SPEF2: variants seen among roughly 807,000 people sequenced by gnomAD.
SPEF2 encodes sperm flagellar and cilia associated 2, also known as sperm flagella and cilia-associated protein 2.
Under a neutral mutation model 224.6 loss-of-function variants are expected in SPEF2, and 187 were observed. The ratio of observed to expected loss-of-function variants is 0.83; its 90% CI spans 0.74 to 0.94. SPEF2 has a LOEUF of 0.94. Among genes scored for constraint, SPEF2 ranks in the 40% least tolerant of loss-of-function variants. SPEF2 has a pLI of 0.00. For missense variants in SPEF2, 2,170 were observed against 2,135.6 expected, an observed-to-expected ratio of 1.02 and a Z score of -0.32; for synonymous variants, 715 against 707.3, an observed-to-expected ratio of 1.01 and a Z score of -0.17.
At chr5:35,801,396 C>G (rs189002335) in intron 34 of SPEF2, among the ~76,000 whole-genome samples, 26 of 152,134 alleles carry the variant, frequency 1.7e-4, no homozygotes, top group Non-Finnish European at 3.5e-4. Flanking sequence ...GCCTGTAGTC[C>G]CAGCTACTCA....
chr5:35,746,687 A>G (rs1748583060), intron 23 of SPEF2, among the ~76,000 whole-genome samples: 1 of 152,148 alleles, frequency 6.6e-6, no homozygotes, highest in South Asian at 2.1e-4. Flanking sequence ...AAATGACCAA[A>G]CCGAACAATA....
At chr5:35,627,394 G>C (rs1744418087) in intron 1 of SPEF2, among the ~76,000 whole-genome samples, 1 of 151,982 alleles carries the variant, frequency 6.6e-6, no homozygotes, top group Non-Finnish European at 1.5e-5. Flanking sequence ...GAAGTCAAAA[G>C]ATCGAGACCA....
chr5:35,788,597 A>G (rs974658965), intron 30 of SPEF2: 16 of 702,862 alleles, frequency 2.3e-5, no homozygotes, highest in Middle Eastern at 2.3e-4. Flanking sequence ...AAAAAATGCC[A>G]TTGAGAAAAC....
chr5:35,804,718 A>T (rs936506778), intron 34 of SPEF2, among the ~76,000 whole-genome samples: 4 of 101,530 alleles, frequency 3.9e-5, no homozygotes, highest in African/African-American at 2.2e-4. Context: ...TTAAATTTTA[A>T]AAAAAAATCA....
In SPEF2 at chr5:35,727,815, G is replaced by T. The variant is rs1231542176; in HGVS notation, c.3055G>T (p.Val1019Phe). ...SEEWVYVNEP[V>F]PEEMPLFLVP... is the part of the protein sequence containing the mutation. ...AGAATGGGTCTATGTGAATGAACCA[G>T]TTCCTGAGGTATGGCCATTTAGAAT... is the stretch of plus-strand genomic sequence containing the variant. Residue 1019 changes from valine to phenylalanine, a missense_variant, in exon 21 of 37, where the codon GTT (valine) becomes TTT (phenylalanine). Val to Phe is a conservative substitution (Grantham distance 50). Coordinates refer to ENST00000356031, the MANE Select transcript of SPEF2 (RefSeq NM_024867.4). 2.5e-6 allele frequency: 4 copies of T among 1,610,532 alleles called. No homozygotes were observed. In the African/African-American group the frequency reaches 4.0e-5, roughly 16 times the overall value.
intron 8 of SPEF2, among the ~76,000 whole-genome samples, chr5:35,661,235 G>GT (rs1206283860): frequency 2.7e-4 from 28 of 105,424 alleles, no homozygotes; most frequent in South Asian, 8.7e-4. Context: ...AAGAAAGGAG[G>GT]TTTTTTTTTT....
chr5:35,774,749 A>C (rs1370856942), intron 28 of SPEF2, among the ~76,000 whole-genome samples: 1 of 152,196 alleles, frequency 6.6e-6, no homozygotes, highest in Non-Finnish European at 1.5e-5. Context: ...CTACTCAGTG[A>C]CTATTAACTA....
chr5:35,752,227 G>A (rs770060930), intron 23 of SPEF2, among the ~76,000 whole-genome samples: 1 of 152,092 alleles, frequency 6.6e-6, no homozygotes, highest in Non-Finnish European at 1.5e-5. Flanking sequence ...CGGCCCAAGG[G>A]TTGGGGACCC....
chr5:35,733,878 C>A (rs1044636812), intron 21 of SPEF2, among the ~76,000 whole-genome samples: 1 of 151,974 alleles, frequency 6.6e-6, no homozygotes, highest in African/African-American at 2.4e-5. Flanking sequence ...AGCTGTTTAA[C>A]CTCTGTTGCT....
rs1339165495 is a variant in SPEF2 at position 35,751,074 on chromosome 5, T to C, written c.3331-2550T>C. Among the ~76,000 whole-genome samples the C allele has an allele frequency of 3.9e-4, 21 of 54,130 alleles. 4 individuals are homozygous for C. Among genetic ancestry groups the C allele is most frequent in the African/African-American group, 1.2e-3 (20 of 16,236 alleles). The allele number at this position is 54,130 out of a possible 152,430, so 35.5% of individuals were successfully genotyped here. ...ATATATACGTATATATATGTATATA[T>C]ATATACACACACACACACACACATA... On this transcript the variant is annotated intron_variant, in intron 23 of 36. Transcript: ENST00000356031.
At chr5:35,626,478 G>A (rs865912286) in intron 1 of SPEF2, among the ~76,000 whole-genome samples, 5 of 152,074 alleles carry the variant, frequency 3.3e-5, no homozygotes, top group Non-Finnish European at 7.4e-5. Context: ...TTATGTGATT[G>A]GAAGCTTTCA....
chr5:35,622,718 C>G (rs1244371615), intron 1 of SPEF2, among the ~76,000 whole-genome samples: 7 of 152,098 alleles, frequency 4.6e-5, no homozygotes, highest in African/African-American at 7.2e-5. Context: ...TCCTGGCTAG[C>G]CTCGCAGCGT....
intron 28 of SPEF2, among the ~76,000 whole-genome samples, chr5:35,775,452 C>T (rs1753479436): frequency 6.6e-6 from 1 of 152,020 alleles, no homozygotes; most frequent in Admixed American, 6.6e-5. Context: ...GGCATATCAG[C>T]TTGTGAGTAG....
At chr5:35,731,581 CAG>C (rs940381435) in intron 21 of SPEF2, among the ~76,000 whole-genome samples, 1 of 152,086 alleles carries the variant, frequency 6.6e-6, no homozygotes, top group African/African-American at 2.4e-5. Context: ...GGAAATGTGA[CAG>C]AGAGGAAGTC....
At chr5:35,651,308 G>C (rs575734161) in intron 6 of SPEF2, among the ~76,000 whole-genome samples, 1 of 152,274 alleles carries the variant, frequency 6.6e-6, no homozygotes, top group Non-Finnish European at 1.5e-5. Context: ...AGTAGTGTCA[G>C]GTCCCTTCTT....
chr5:35,690,413 T>C (rs961194126), intron 10 of SPEF2, among the ~76,000 whole-genome samples: 1 of 152,212 alleles, frequency 6.6e-6, no homozygotes, highest in Non-Finnish European at 1.5e-5. Context: ...TTAGACTTTA[T>C]AATCTCAATT....
intron 26 of SPEF2, among the ~76,000 whole-genome samples, chr5:35,765,899 C>G (rs1304798135): frequency 2.6e-5 from 4 of 151,876 alleles, no homozygotes; most frequent in Non-Finnish European, 5.9e-5. Context: ...ATAATTTTTT[C>G]TGCATTTTCT....
At chr5:35,709,536 C>A in intron 19 of SPEF2, 1 of 987,932 alleles carries the variant, frequency 1.0e-6, no homozygotes. Context: ...AATAAGGGAA[C>A]AAATTAACAG....
chr5:35,646,512 C>T (rs1198822186), intron 4 of SPEF2, 155 bp from the exon 5 acceptor site: 1 of 576,364 alleles, frequency 1.7e-6, no homozygotes, highest in African/African-American at 1.9e-5. Context: ...ACACCTCCTT[C>T]TTAATATTAC....
Sources: gnomAD v4.1 joint callset for allele counts (sites outside exome capture counted in the v4.1 genomes callset) on GRCh38, gnomAD v4.1.1 for gene constraint, MANE v1.5 for transcripts, NCBI Gene and HGNC (gene_info 2026-07-23, HGNC 2026-07-21) for gene names.